The following NUDT3 variants were observed in gnomAD, a reference collection of about 807,000 sequenced individuals.
NUDT3 encodes diphosphoinositol polyphosphate phosphohydrolase 1.
NUDT3 carries 9 observed loss-of-function variants against 23.6 expected under a neutral mutation model. The ratio of observed to expected loss-of-function variants is 0.38; its 90% CI spans 0.23 to 0.66. The LOEUF is 0.66. Among genes scored for constraint, NUDT3 ranks in the 30% least tolerant of loss-of-function variants. The pLI is 0.52. For missense variants in NUDT3, 172 were observed against 218.5 expected (o/e 0.79, Z 1.34); for synonymous variants, 86 against 82.6 (o/e 1.04, Z -0.22).
At chr6:34,386,084 A>C (rs1243646909) in intron 1 of NUDT3, among the ~76,000 whole-genome samples, 1 of 152,250 alleles carries the variant, frequency 6.6e-6, no homozygotes. Context: ...AACTAATTGT[A>C]ATCACACAAT....
In NUDT3 at chr6:34,287,523, A is replaced by C. The variant is rs1199018281; in HGVS notation, c.*1230T>G. The C allele has an allele frequency of 6.6e-6, 1 of 152,212 alleles. No homozygotes were observed. Among genetic ancestry groups the C allele is most frequent in the Non-Finnish European group, 1.5e-5 (1 of 68,036 alleles). The allele number at this position is 152,212 out of a possible 1,614,324, so 9.4% of individuals were successfully genotyped here. On this transcript the variant is annotated 3_prime_UTR_variant, in exon 5 of 5. Transcript: ENST00000607016. Reference sequence around the variant, plus strand: ...ATATCCTGGTGGGAGATGGGAGACCAATTTAATAGCTCTGAGCATGCTCCA... The same window carrying C: ...ATATCCTGGTGGGAGATGGGAGACCCATTTAATAGCTCTGAGCATGCTCCA...
At chr6:34,360,274 A>C (rs1471322436) in intron 1 of NUDT3, among the ~76,000 whole-genome samples, 1 of 151,434 alleles carries the variant, frequency 6.6e-6, no homozygotes, top group Non-Finnish European at 1.5e-5. Flanking sequence ...AAACAAAAAC[A>C]AAACAAAACA....
chr6:34,337,384 G>A (rs1040567091), intron 2 of NUDT3, among the ~76,000 whole-genome samples: 7 of 152,260 alleles, frequency 4.6e-5, no homozygotes, highest in South Asian at 4.1e-4. Context: ...AAAGTTTCAC[G>A]ATCAGGATTC....
At chr6:34,314,703 G>A (rs1387307071) in intron 2 of NUDT3, among the ~76,000 whole-genome samples, 4 of 152,144 alleles carry the variant, frequency 2.6e-5, no homozygotes, top group African/African-American at 7.2e-5. Flanking sequence ...GGAGAAAAGA[G>A]AAGATGAAAG....
intron 1 of NUDT3, among the ~76,000 whole-genome samples, chr6:34,370,135 T>G (rs963711772): frequency 2.6e-5 from 4 of 152,256 alleles, no homozygotes; most frequent in African/African-American, 9.6e-5. Flanking sequence ...AGAACATTTA[T>G]GACCATTTGC....
intron 2 of NUDT3, among the ~76,000 whole-genome samples, chr6:34,331,486 G>C (rs1764127953): frequency 6.6e-6 from 1 of 152,182 alleles, no homozygotes; most frequent in South Asian, 2.1e-4. Flanking sequence ...GGAAATCTAA[G>C]CAGATATCAC....
chr6:34,322,799 AT>A (rs1254176587), intron 2 of NUDT3, among the ~76,000 whole-genome samples: 1 of 152,232 alleles, frequency 6.6e-6, no homozygotes, highest in Non-Finnish European at 1.5e-5. Flanking sequence ...GACTGGCCTT[AT>A]TCCAAAGAGA....
intron 1 of NUDT3, among the ~76,000 whole-genome samples, chr6:34,375,831 C>T (rs1764913918): frequency 1.3e-5 from 2 of 152,140 alleles, no homozygotes; most frequent in Admixed American, 1.3e-4. Flanking sequence ...TCTGTTGCTA[C>T]ATCTCATCTT....
At chr6:34,390,526 TTTA>T (rs200225993) in intron 1 of NUDT3, among the ~76,000 whole-genome samples, 23 of 152,040 alleles carry the variant, frequency 1.5e-4, no homozygotes, top group African/African-American at 3.9e-4. Context: ...TCTAGTATGA[TTTA>T]TTATTATTAT....
At chr6:34,310,495 C>A (rs1258005122) in intron 2 of NUDT3, among the ~76,000 whole-genome samples, 6 of 152,092 alleles carry the variant, frequency 3.9e-5, no homozygotes, top group Non-Finnish European at 8.8e-5. Flanking sequence ...TGCCACTGCA[C>A]TCCAGCCTGG....
At chr6:34,348,410 A>G (rs1764413796) in intron 1 of NUDT3, among the ~76,000 whole-genome samples, 1 of 152,022 alleles carries the variant, frequency 6.6e-6, no homozygotes, top group African/African-American at 2.4e-5. Flanking sequence ...TGAGCCCAGG[A>G]GGTCGAGGCT....
chr6:34,374,951 T>A (rs1764897139), intron 1 of NUDT3, among the ~76,000 whole-genome samples: 1 of 152,240 alleles, frequency 6.6e-6, no homozygotes. Flanking sequence ...ATCTCTACCG[T>A]TCTCTTTCCC....
At chr6:34,305,520 T>G (rs1335574596) in intron 2 of NUDT3, among the ~76,000 whole-genome samples, 1 of 152,224 alleles carries the variant, frequency 6.6e-6, no homozygotes, top group African/African-American at 2.4e-5. Context: ...TTGGTTTTGT[T>G]GGTCATTTCT....
chr6:34,349,155 C>G (rs1764428841), intron 1 of NUDT3, among the ~76,000 whole-genome samples: 1 of 152,082 alleles, frequency 6.6e-6, no homozygotes, highest in Admixed American at 6.6e-5. Context: ...CCTGAGTTGG[C>G]CTCTAAAACC....
intron 2 of NUDT3, among the ~76,000 whole-genome samples, chr6:34,307,410 C>T (rs1763698863): frequency 6.6e-6 from 1 of 152,030 alleles, no homozygotes; most frequent in Admixed American, 6.6e-5. Context: ...GAGACCCCAT[C>T]TCTACAAAAA....
At chr6:34,390,777 T>C (rs1765185824) in intron 1 of NUDT3, among the ~76,000 whole-genome samples, 1 of 152,204 alleles carries the variant, frequency 6.6e-6, no homozygotes, top group African/African-American at 2.4e-5. Flanking sequence ...TTATGCTAAT[T>C]AGTTTTCCCT....
chr6:34,364,918 G>A (rs1764703993), intron 1 of NUDT3, among the ~76,000 whole-genome samples: 1 of 152,198 alleles, frequency 6.6e-6, no homozygotes, highest in South Asian at 2.1e-4. Flanking sequence ...CTACTCAGGA[G>A]GCTGAGGCAG....
intron 1 of NUDT3, among the ~76,000 whole-genome samples, chr6:34,371,633 T>C (rs146871970): frequency 6.6e-6 from 1 of 152,326 alleles, no homozygotes; most frequent in Non-Finnish European, 1.5e-5. Flanking sequence ...GTTCACTGAT[T>C]AGAAGAATAG....
At chr6:34,354,052 G>A (rs1174447553) in intron 1 of NUDT3, among the ~76,000 whole-genome samples, 2 of 151,642 alleles carry the variant, frequency 1.3e-5, no homozygotes, top group African/African-American at 4.8e-5. Flanking sequence ...CAAGTAGCTG[G>A]GAATACAGGC....
Sources: gnomAD v4.1 joint callset for allele counts (sites outside exome capture counted in the v4.1 genomes callset) on GRCh38, gnomAD v4.1.1 for gene constraint, MANE v1.5 for transcripts, NCBI Gene and HGNC (gene_info 2026-07-23, HGNC 2026-07-21) for gene names.